Variants in DNAH8 observed in about 807,000 individuals in gnomAD.
DNAH8 encodes axonemal beta dynein heavy chain 8.
Under a neutral mutation model 562.1 loss-of-function variants are expected in DNAH8, and 382 were observed. The ratio of observed to expected loss-of-function variants is 0.68; its 90% confidence interval spans 0.63 to 0.74. The LOEUF (loss-of-function observed/expected upper bound fraction) is 0.74. Among genes scored for constraint, DNAH8 ranks in the 30% least tolerant of loss-of-function variants. The probability of loss-of-function intolerance (pLI) is 0.00; values close to 1 mark genes in which losing one functional copy is unlikely to be tolerated. For synonymous variants in DNAH8, 1,881 were observed against 1,919.4 expected (o/e 0.98, Z 0.52); for missense variants, 5,203 against 5,620.4 (o/e 0.93, Z 2.37).
At chr6:38,956,373 G>C (rs1583451626) in intron 82 of DNAH8, among the ~76,000 whole-genome samples, 1 of 152,172 alleles carries the variant, frequency 6.6e-6, no homozygotes, top group African/African-American at 2.4e-5. Flanking sequence ...TCCTCCAGCA[G>C]ATCCCAAAAG....
In DNAH8 at chr6:38,786,864, T is replaced by C; in HGVS notation, c.2495T>C (p.Met832Thr). 1 of 1,613,372 alleles carries C rather than the reference T, an allele frequency of 6.2e-7. No individual in the cohort carries two copies. The highest frequency in any genetic ancestry group is 1.3e-5 in the African/African-American group (1 of 75,018). Residue 832 changes from methionine to threonine, a missense_variant, in exon 18 of 93, where the codon ATG becomes ACG. Coordinates refer to ENST00000327475, the MANE Select transcript of DNAH8 (RefSeq NM_001206927.2). Reference protein sequence around the residue: ...ILEVVRETKCMIKMKLDVPEQ... With the variant: ...ILEVVRETKCTIKMKLDVPEQ... ...GAAGTTGTTCGGGAAACTAAGTGTA[T>C]GATAAAAATGAAGTTGGATGTACCA...
At chr6:38,780,147 T>C (rs1768440961) in intron 15 of DNAH8, 82 bp downstream of exon 15, 2 of 1,315,360 alleles carry the variant, frequency 1.5e-6, no homozygotes, top group Non-Finnish European at 2.1e-6. Context: ...CATTGTCTCA[T>C]GCCAAGCTTT....
At chr6:38,933,629 G>C (rs1244167275) in intron 76 of DNAH8, among the ~76,000 whole-genome samples, 2 of 152,170 alleles carry the variant, frequency 1.3e-5, no homozygotes, top group Non-Finnish European at 2.9e-5. Context: ...TGCCACCCAG[G>C]GGTGACCATT....
At chr6:38,923,361 A>G in intron 72 of DNAH8, 176 bp downstream of exon 72, 1 of 736,582 alleles carries the variant, frequency 1.4e-6, no homozygotes, top group Non-Finnish European at 2.1e-6. Context: ...GAAATATTTT[A>G]CATCTCAGCT....
chr6:38,966,013 G>A (rs1279529710), intron 82 of DNAH8, among the ~76,000 whole-genome samples: 2 of 151,722 alleles, frequency 1.3e-5, no homozygotes, highest in Non-Finnish European at 2.9e-5. Flanking sequence ...ATAAATATGC[G>A]AGCAAAAAAA....
intron 44 of DNAH8, among the ~76,000 whole-genome samples, chr6:38,863,155 G>A (rs540049975): frequency 6.6e-6 from 1 of 152,076 alleles, no homozygotes; most frequent in African/African-American, 2.4e-5. Flanking sequence ...CCAAACTCCC[G>A]GCCGGGCACG....
At chr6:38,948,905 G>A (rs905271036) in intron 80 of DNAH8, among the ~76,000 whole-genome samples, 3 of 152,100 alleles carry the variant, frequency 2.0e-5, no homozygotes, top group Non-Finnish European at 4.4e-5. Context: ...TTTTGATTTT[G>A]TCATCTATCA....
intron 7 of DNAH8, among the ~76,000 whole-genome samples, chr6:38,738,697 C>T (rs546158208): frequency 6.6e-6 from 1 of 152,192 alleles, no homozygotes; most frequent in South Asian, 2.1e-4. Flanking sequence ...TACAGAAAAG[C>T]GTTTCCAGTT....
chr6:38,898,161 T>C, intron 60 of DNAH8, 97 bp from the exon 61 acceptor site: 2 of 1,070,078 alleles, frequency 1.9e-6, no homozygotes, highest in Non-Finnish European at 1.3e-6. Flanking sequence ...AAAAGATATG[T>C]ATATTTTAAA....
chr6:39,029,985 C>T, intron 92 of DNAH8, 120 bp from the exon 93 acceptor site: 2 of 765,222 alleles, frequency 2.6e-6, no homozygotes, highest in Admixed American at 2.7e-5. Flanking sequence ...GTGCTTTCTC[C>T]CTTTGGTAGT....
chr6:38,824,752 C>T (rs923949598), intron 28 of DNAH8, among the ~76,000 whole-genome samples: 16 of 152,026 alleles, frequency 1.1e-4, no homozygotes, highest in Admixed American at 2.0e-4. Context: ...TTATATGAGA[C>T]GCTTAGCATA....
At chr6:38,924,507 C>CA (rs546860217) in intron 73 of DNAH8, among the ~76,000 whole-genome samples, 3 of 151,726 alleles carry the variant, frequency 2.0e-5, no homozygotes, top group African/African-American at 7.3e-5. Context: ...TCCATCCCCC[C>CA]CCCAAAAAAA....
At position 38,737,058 on chromosome 6, in the gene DNAH8, C is replaced by A; in HGVS notation, c.763-9C>A. The stretch of plus-strand genomic sequence containing the variant: ...CATGTAAAATAACATTTAAACTCCA[C>A]CCTTTCAGGAAGCGCTCTTTACTGT... On this transcript the variant is annotated splice_polypyrimidine_tract_variant and intron_variant, in intron 5 of 92. Transcript: ENST00000327475. 1 of 1,508,474 alleles carries A rather than the reference C, an allele frequency of 6.6e-7. No homozygotes were observed. Among genetic ancestry groups the A allele is most frequent in the African/African-American group, 1.4e-5 (1 of 69,668 alleles). 93.4% of individuals were successfully genotyped at this position (1,508,474 alleles called of 1,614,324 possible).
At chr6:38,920,592 GTA>G (rs1781626205) in intron 70 of DNAH8, among the ~76,000 whole-genome samples, 1 of 152,082 alleles carries the variant, frequency 6.6e-6, no homozygotes, top group South Asian at 2.1e-4. Flanking sequence ...ATATCCAATA[GTA>G]TTTATCACAA....
intron 17 of DNAH8, among the ~76,000 whole-genome samples, chr6:38,786,043 C>T (rs142255508): frequency 6.0e-4 from 91 of 152,306 alleles, no homozygotes; most frequent in African/African-American, 2.1e-3. Flanking sequence ...CAAACTAGCA[C>T]ATGCTTGTCT....
Position 38,939,040 on chromosome 6 carries a change from T to C in DNAH8, c.12007+52T>C, listed in dbSNP as rs372170725. The C allele has an allele frequency of 1.8e-4, 261 of 1,446,154 alleles. 3 individuals carry two copies. In the Middle Eastern group the frequency reaches 3.6e-3, roughly 20 times the overall value. The allele number at this position is 1,446,154 out of a possible 1,614,324, so 89.6% of individuals were successfully genotyped here. ...TGTGTGGAGGATGTTGCTTTTGATATGCTCTTTGATATACCATAAACCCAT... is the reference window on the plus strand; with the variant it reads ...TGTGTGGAGGATGTTGCTTTTGATACGCTCTTTGATATACCATAAACCCAT... On this transcript the variant is annotated intron_variant, in intron 79 of 92. Transcript: ENST00000327475.
intron 39 of DNAH8, among the ~76,000 whole-genome samples, chr6:38,852,047 C>G (rs564453222): frequency 1.3e-4 from 20 of 152,256 alleles, no homozygotes; most frequent in Admixed American, 5.9e-4. Context: ...TTTATTAAAT[C>G]GAATTTATCA....
chr6:38,957,667 A>G (rs1305475871), intron 82 of DNAH8, among the ~76,000 whole-genome samples: 2 of 152,090 alleles, frequency 1.3e-5, no homozygotes, highest in African/African-American at 4.8e-5. Context: ...AGAAATCAGT[A>G]ACAGTAGGAA....
At chr6:38,752,360 C>T (rs771782639) in intron 9 of DNAH8, among the ~76,000 whole-genome samples, 49 of 152,334 alleles carry the variant, frequency 3.2e-4, no homozygotes, top group Admixed American at 3.9e-4. Flanking sequence ...GACAAGGTTT[C>T]GCCACATTGG....
Sources: allele counts gnomAD v4.1 joint callset (sites outside exome capture counted in the v4.1 genomes callset), GRCh38; gene constraint gnomAD v4.1.1; transcripts MANE v1.5; gene names NCBI Gene and HGNC (gene_info 2026-07-23, HGNC 2026-07-21).